The following RAD51B variants were observed in gnomAD, a reference collection of about 807,000 sequenced individuals.
RAD51B encodes DNA repair protein RAD51 homolog 2.
RAD51B carries 38 observed loss-of-function variants against 42.2 expected under a neutral mutation model. The ratio of observed to expected loss-of-function variants is 0.90; its 90% CI spans 0.70 to 1.18. The LOEUF (loss-of-function observed/expected upper bound fraction) is 1.18. RAD51B is among the 50% of genes most tolerant of loss of function. The pLI is 0.00. For synonymous variants in RAD51B, 154 were observed against 145.2 expected (o/e 1.06, Z -0.43); for missense variants, 373 against 400.7 (o/e 0.93, Z 0.59).
chr14:67,874,618 A>G (rs553856201), intron 5 of RAD51B, among the ~76,000 whole-genome samples: 2 of 152,146 alleles, frequency 1.3e-5, no homozygotes, highest in African/African-American at 4.8e-5. Flanking sequence ...TATTCAGGCA[A>G]AGATCTAGAT....
chr14:68,428,852 C>T (rs914847663), intron 9 of RAD51B, among the ~76,000 whole-genome samples: 1 of 150,264 alleles, frequency 6.7e-6, no homozygotes. Context: ...GTGTGCTGCA[C>T]CCATTAACTC....
Position 68,477,976 on chromosome 14 carries a change from C to A in RAD51B, c.*312C>A. 8.7e-7 allele frequency: 1 copy of A among 1,143,100 alleles called. No individual in the cohort carries two copies. The highest frequency in any genetic ancestry group is 1.1e-6 in the Non-Finnish European group (1 of 930,672). The allele number at this position is 1,143,100 out of a possible 1,614,324, so 70.8% of individuals were successfully genotyped here. On this transcript the variant is annotated 3_prime_UTR_variant, in exon 11 of 11. Coordinates refer to ENST00000471583, the MANE Select transcript of RAD51B (RefSeq NM_133510.4). The stretch of plus-strand genomic sequence containing the variant: ...CACCTTTCAACCAGGCACCTCAAAG[C>A]GGTTTAACCACATTAATTAATTAAA...
At chr14:68,122,945 C>G (rs1433304342) in intron 7 of RAD51B, among the ~76,000 whole-genome samples, 1 of 151,512 alleles carries the variant, frequency 6.6e-6, no homozygotes, top group Middle Eastern at 3.2e-3. Flanking sequence ...AACATGCTCT[C>G]CTTTGTATAA....
At chr14:68,300,538 A>T (rs1353995329) in intron 8 of RAD51B, among the ~76,000 whole-genome samples, 1 of 152,200 alleles carries the variant, frequency 6.6e-6, no homozygotes, top group Non-Finnish European at 1.5e-5. Context: ...ATTTTGATAG[A>T]AGTTACCTAT....
At chr14:68,654,071 G>A (rs1332706276) in intron 11 of RAD51B, among the ~76,000 whole-genome samples, 7 of 152,256 alleles carry the variant, frequency 4.6e-5, no homozygotes, top group South Asian at 2.1e-4. Flanking sequence ...ATGGCATGAC[G>A]AAGAGAGGAA....
intron 7 of RAD51B, among the ~76,000 whole-genome samples, chr14:68,272,076 C>T (rs1393495976): frequency 6.6e-6 from 1 of 152,192 alleles, no homozygotes; most frequent in African/African-American, 2.4e-5. Context: ...GATTTCAGAA[C>T]TTAATTTCTA....
intron 10 of RAD51B, among the ~76,000 whole-genome samples, chr14:68,477,154 G>A (rs763692329): frequency 2.0e-5 from 3 of 152,196 alleles, no homozygotes; most frequent in Non-Finnish European, 4.4e-5. Flanking sequence ...TTGGTCAGCC[G>A]CGTCCCTATG....
intron 7 of RAD51B, among the ~76,000 whole-genome samples, chr14:68,037,183 C>T (rs191629283): frequency 0.012 from 394 of 31,582 alleles, 21 homozygotes; most frequent in African/African-American, 0.025. Flanking sequence ...CCCTCCCCTC[C>T]CCTCTCCTCT....
intron 10 of RAD51B, among the ~76,000 whole-genome samples, chr14:68,556,906 T>A (rs183035918): frequency 7.9e-5 from 12 of 152,194 alleles, no homozygotes; most frequent in Non-Finnish European, 1.6e-4. Context: ...TTTCTCAGTG[T>A]TCCCTGAATA....
intron 10 of RAD51B, chr14:68,472,118 A>T (rs999217180): frequency 6.6e-6 from 1 of 152,262 alleles, no homozygotes; most frequent in African/African-American, 2.4e-5. Context: ...CCTAGTGGAG[A>T]GGTAAGAGCA....
At chr14:68,512,372 A>T (rs1006824930) in intron 10 of RAD51B, among the ~76,000 whole-genome samples, 1 of 152,236 alleles carries the variant, frequency 6.6e-6, no homozygotes, top group Non-Finnish European at 1.5e-5. Flanking sequence ...TTTGCTTGTC[A>T]GTCCTTTGCT....
At chr14:68,607,743 A>G (rs971462163) in intron 10 of RAD51B, among the ~76,000 whole-genome samples, 3 of 152,122 alleles carry the variant, frequency 2.0e-5, no homozygotes, top group African/African-American at 7.2e-5. Context: ...AAGGACGGGG[A>G]GCACACAGCC....
intron 8 of RAD51B, among the ~76,000 whole-genome samples, chr14:68,321,626 CT>C (rs1271694443): frequency 2.0e-5 from 3 of 152,016 alleles, no homozygotes; most frequent in Non-Finnish European, 4.4e-5. Context: ...AAGGGTAGAC[CT>C]TGAGCAAGTT....
At chr14:68,411,758 T>C (rs2084427388) in intron 9 of RAD51B, among the ~76,000 whole-genome samples, 1 of 152,188 alleles carries the variant, frequency 6.6e-6, no homozygotes, top group South Asian at 2.1e-4. Context: ...GAGTCAGCAT[T>C]TCTCTGATAT....
chr14:68,380,015 G>GA (rs1443921599), intron 8 of RAD51B, among the ~76,000 whole-genome samples: 2 of 152,186 alleles, frequency 1.3e-5, no homozygotes, highest in African/African-American at 4.8e-5. Context: ...AGATTGCCTG[G>GA]AAAAAATGAT....
chr14:67,950,382 A>G (rs1316218213), intron 7 of RAD51B, among the ~76,000 whole-genome samples: 1 of 152,192 alleles, frequency 6.6e-6, no homozygotes, highest in East Asian at 1.9e-4. Flanking sequence ...CTTATACCTC[A>G]TGAAGCAACC....
At chr14:68,273,189 G>A (rs955334987) in intron 7 of RAD51B, among the ~76,000 whole-genome samples, 1 of 152,144 alleles carries the variant, frequency 6.6e-6, no homozygotes, top group African/African-American at 2.4e-5. Flanking sequence ...TGGTGGTTAT[G>A]ATTTTGCTTA....
chr14:68,588,653 A>G (rs549493067), intron 10 of RAD51B, among the ~76,000 whole-genome samples: 1 of 152,290 alleles, frequency 6.6e-6, no homozygotes, highest in South Asian at 2.1e-4. Context: ...TAATGGATAA[A>G]TGGCTCCTTG....
chr14:68,429,686 C>T (rs1173218231), intron 9 of RAD51B, among the ~76,000 whole-genome samples: 2 of 152,090 alleles, frequency 1.3e-5, no homozygotes, highest in Non-Finnish European at 1.5e-5. Context: ...AATTTTCTCC[C>T]ATTCTGTAGG....
Sources: allele counts gnomAD v4.1 joint callset (sites outside exome capture counted in the v4.1 genomes callset), GRCh38; gene constraint gnomAD v4.1.1; transcripts MANE v1.5; gene names NCBI Gene and HGNC (gene_info 2026-07-23, HGNC 2026-07-21).